PRELID2: variants seen among roughly 807,000 people sequenced by gnomAD.
The protein encoded by PRELID2 is PRELI domain-containing protein 2.
PRELID2 carries 25 observed loss-of-function variants against 28.4 expected under a neutral mutation model. That is an observed-to-expected ratio of 0.88 (90% CI 0.64 to 1.23). The LOEUF (loss-of-function observed/expected upper bound fraction) is 1.23. Among genes scored for constraint, PRELID2 ranks in the 50% most tolerant of loss-of-function variants. PRELID2 has a pLI of 0.00. For missense variants in PRELID2, 201 were observed against 214.4 expected (o/e 0.94, Z 0.39); for synonymous variants, 76 against 71.6 (o/e 1.06, Z -0.31).
chr5:145,456,590 T>C, the PRELID2 span, among the ~76,000 whole-genome samples: 1 of 152,166 alleles, frequency 6.6e-6, no homozygotes, highest in Non-Finnish European at 1.5e-5. Flanking sequence ...CTTATCACAA[T>C]GGGCAACTAT....
chr5:145,600,420 G>GGAAAAAA (rs1491541560), intron 1 of PRELID2, among the ~76,000 whole-genome samples: 3 of 124,164 alleles, frequency 2.4e-5, no homozygotes, highest in African/African-American at 1.1e-4. Context: ...CTCAGGGGGG[G>GGAAAAAA]AAAAAAAAAA....
chr5:145,814,816 A>G lies in PRELID2; in HGVS notation c.368+3078T>C, dbSNP rs76067817. 8.9e-3 allele frequency among the ~76,000 whole-genome samples: 1,356 copies of G among 152,318 alleles called. 13 individuals carry two copies. Among genetic ancestry groups the G allele is most frequent in the African/African-American group, 0.03 (1,248 of 41,568 alleles). ...TTTACTTGTTTTTAAATGTATCTCA[A>G]AAAAATTAATCATTTTTCACCCATT... is the stretch of plus-strand genomic sequence containing the variant. On this transcript the variant is annotated intron_variant, in intron 4 of 6. Coordinates refer to ENST00000683046, the MANE Select transcript of PRELID2 (RefSeq NM_205846.3).
intron 1 of PRELID2, among the ~76,000 whole-genome samples, chr5:145,645,338 C>CTTTTTTTTT (rs35732947): frequency 8.4e-5 from 4 of 47,848 alleles, no homozygotes; most frequent in East Asian, 6.0e-4. Context: ...GCAACTCCTG[C>CTTTTTTTTT]TTTTTTTTTT....
At chr5:145,599,810 G>T (rs1442927588) in intron 1 of PRELID2, among the ~76,000 whole-genome samples, 1 of 152,102 alleles carries the variant, frequency 6.6e-6, no homozygotes, top group Non-Finnish European at 1.5e-5. Context: ...CTTAAACCTA[G>T]TTGTACATCA....
chr5:145,804,334 C>T (rs1379223588), intron 4 of PRELID2, among the ~76,000 whole-genome samples: 1 of 151,974 alleles, frequency 6.6e-6, no homozygotes, highest in African/African-American at 2.4e-5. Flanking sequence ...CATGATGAAA[C>T]CCCATGTCTA....
intron 1 of PRELID2, among the ~76,000 whole-genome samples, chr5:145,736,517 T>C (rs1581115962): frequency 6.6e-6 from 1 of 152,318 alleles, no homozygotes; most frequent in Middle Eastern, 3.4e-3. Flanking sequence ...TATTCAGACT[T>C]GTTCTTTGAT....
chr5:145,671,348 T>C (rs538512246), intron 1 of PRELID2, among the ~76,000 whole-genome samples: 9 of 152,300 alleles, frequency 5.9e-5, no homozygotes, highest in African/African-American at 1.7e-4. Context: ...AATAGAGTAC[T>C]GAAATCCAGG....
At position 145,691,879 on chromosome 5, in the gene PRELID2, GAACACCCT is replaced by G. The variant is rs139301562; in HGVS notation, n.70+73044_70+73051del. Among the ~76,000 whole-genome samples, 1,222 of 152,226 alleles carry G rather than the reference GAACACCCT, an allele frequency of 8.0e-3. 12 individuals carry two copies. Among genetic ancestry groups the G allele is most frequent in the African/African-American group, 0.028 (1,153 of 41,526 alleles). On this transcript the variant is annotated intron_variant and non_coding_transcript_variant, in intron 1 of 2. Transcript: ENST00000510259. The stretch of plus-strand genomic sequence containing the variant: ...TCAGGATCCTGTCTCCAGCAGCACA[GAACACCCT>G]ACTGAATACCCTGAATACTCCATGC...
At chr5:145,520,225 T>C (rs1162173372) in intron 1 of PRELID2, among the ~76,000 whole-genome samples, 2 of 152,224 alleles carry the variant, frequency 1.3e-5, no homozygotes, top group Admixed American at 6.5e-5. Context: ...ACATAACATT[T>C]GGAGGCATTT....
At chr5:145,449,755 C>T in the PRELID2 span, among the ~76,000 whole-genome samples, 19 of 152,142 alleles carry the variant, frequency 1.2e-4, no homozygotes, top group South Asian at 4.2e-4. Context: ...TCCAATAGCT[C>T]CTAGCATTTC....
the PRELID2 span, among the ~76,000 whole-genome samples, chr5:145,366,505 C>T: frequency 3.3e-5 from 5 of 151,844 alleles, no homozygotes; most frequent in African/African-American, 9.7e-5. Context: ...TTTCAATTGT[C>T]GCCAAGCATT....
chr5:145,391,433 C>T, the PRELID2 span, among the ~76,000 whole-genome samples: 1 of 152,222 alleles, frequency 6.6e-6, no homozygotes, highest in South Asian at 2.1e-4. Context: ...GGACTCAGGG[C>T]TGCATAGAGC....
At chr5:145,730,243 C>T (rs1756300076) in intron 1 of PRELID2, among the ~76,000 whole-genome samples, 1 of 152,136 alleles carries the variant, frequency 6.6e-6, no homozygotes, top group South Asian at 2.1e-4. Context: ...CATGCAAGCC[C>T]TGCCTCAGCT....
rs979372069 is a variant in PRELID2, at chr5:145,758,212, A to C, written c.*2324T>G. On this transcript the variant is annotated 3_prime_UTR_variant, in exon 7 of 7. Transcript: ENST00000683046. ...TTTCTTAGAAAATTGGAAATAGGAA[A>C]TACTAAAAAAGACCAACGACACAAC... Among the ~76,000 whole-genome samples, 3 of 152,138 alleles carry C rather than the reference A, an allele frequency of 2.0e-5. No homozygotes were observed. Among genetic ancestry groups the C allele is most frequent in the African/African-American group, 7.2e-5 (3 of 41,416 alleles).
intron 5 of PRELID2, among the ~76,000 whole-genome samples, chr5:145,788,886 A>G (rs545159865): frequency 6.6e-6 from 1 of 152,302 alleles, no homozygotes; most frequent in Admixed American, 6.5e-5. Flanking sequence ...ATCCGAAAAA[A>G]TTAAGAAATC....
chr5:145,628,088 G>A (rs1389594346), intron 1 of PRELID2, among the ~76,000 whole-genome samples: 3 of 152,026 alleles, frequency 2.0e-5, no homozygotes, highest in Non-Finnish European at 1.5e-5. Flanking sequence ...CATGACTTGG[G>A]AACTATTTAC....
chr5:145,520,795 C>T (rs959664487), intron 1 of PRELID2, among the ~76,000 whole-genome samples: 1 of 152,146 alleles, frequency 6.6e-6, no homozygotes, highest in Non-Finnish European at 1.5e-5. Flanking sequence ...TTCATATTAT[C>T]ATCTCATCCC....
chr5:145,768,223 CAAAAAAAAA>C (rs35135521), intron 5 of PRELID2, among the ~76,000 whole-genome samples: 1 of 80,756 alleles, frequency 1.2e-5, no homozygotes, highest in Admixed American at 1.4e-4. Flanking sequence ...GACTCTGTCT[CAAAAAAAAA>C]AAAAAAAAAA....
At chr5:145,640,643 CAA>C (rs750960595) in intron 1 of PRELID2, among the ~76,000 whole-genome samples, 11 of 73,834 alleles carry the variant, frequency 1.5e-4, no homozygotes, top group African/African-American at 2.0e-4. Context: ...GACTCTGTCT[CAA>C]AAAAAAAAAA....
Sources: allele counts gnomAD v4.1 joint callset (sites outside exome capture counted in the v4.1 genomes callset), GRCh38; gene constraint gnomAD v4.1.1; transcripts MANE v1.5; gene names NCBI Gene and HGNC (gene_info 2026-07-23, HGNC 2026-07-21).